The following DOK5 variants were observed in gnomAD, a reference collection of about 807,000 sequenced individuals.
DOK5 encodes the protein docking protein 5.
A neutral mutation model predicts 43.3 loss-of-function variants in DOK5; 27 were observed. That is an observed-to-expected ratio of 0.62 (90% CI 0.46 to 0.86). The LOEUF is 0.86. Ranked by LOEUF, DOK5 falls within the 40% of genes least tolerant of loss-of-function variation. DOK5 has a pLI of 0.00. For missense variants in DOK5, 373 were observed against 392.9 expected, an observed-to-expected ratio of 0.95 and a Z score of 0.43; for synonymous variants, 146 against 140.1, an observed-to-expected ratio of 1.04 and a Z score of -0.30.
rs1044839108 is a variant in DOK5 at position 54,612,824 on chromosome 20, C to T, written c.735+2301C>T. Among the ~76,000 whole-genome samples, 6 of 152,146 alleles carry T rather than the reference C, an allele frequency of 3.9e-5. No homozygotes were observed. The South Asian group carries it at 8.3e-4, about 21-fold the overall frequency. ...TCATACAGTGTTCAAGATCATGGCC[C>T]GTGAAGCCAGACTTAGTTCCAACAC... On this transcript the variant is annotated intron_variant, in intron 6 of 7. Coordinates refer to ENST00000262593, the MANE Select transcript of DOK5 (RefSeq NM_018431.5).
At chr20:54,530,050 T>A (rs1364234014) in intron 1 of DOK5, among the ~76,000 whole-genome samples, 1 of 152,198 alleles carries the variant, frequency 6.6e-6, no homozygotes, top group South Asian at 2.1e-4. Context: ...AGCCTAAAGG[T>A]TTTTTGTCAA....
intron 1 of DOK5, among the ~76,000 whole-genome samples, chr20:54,477,109 G>A (rs1040972295): frequency 1.3e-5 from 2 of 152,142 alleles, no homozygotes; most frequent in Non-Finnish European, 2.9e-5. Context: ...TATAATGTCA[G>A]TAATCGTGTG....
At chr20:54,507,401 AT>A (rs1345051588) in intron 1 of DOK5, among the ~76,000 whole-genome samples, 1 of 152,234 alleles carries the variant, frequency 6.6e-6, no homozygotes, top group African/African-American at 2.4e-5. Flanking sequence ...TTAATGCTAT[AT>A]TTTATTTAAT....
At chr20:54,565,099 C>G (rs976363021) in intron 2 of DOK5, among the ~76,000 whole-genome samples, 2 of 152,150 alleles carry the variant, frequency 1.3e-5, no homozygotes, top group Non-Finnish European at 2.9e-5. Flanking sequence ...AATCACATTT[C>G]TTTAGTACTG....
intron 6 of DOK5, among the ~76,000 whole-genome samples, chr20:54,636,641 T>A (rs1198495211): frequency 6.6e-6 from 1 of 152,168 alleles, no homozygotes; most frequent in Non-Finnish European, 1.5e-5. Flanking sequence ...CCTGCCAAAC[T>A]GTCTTTAAAA....
chr20:54,566,472 G>A (rs929601782), intron 2 of DOK5, among the ~76,000 whole-genome samples: 7 of 152,268 alleles, frequency 4.6e-5, no homozygotes, highest in African/African-American at 1.7e-4. Context: ...TATGGTAGTT[G>A]CACGTTTAGT....
At chr20:54,618,674 C>T (rs1986891116) in intron 6 of DOK5, among the ~76,000 whole-genome samples, 1 of 152,084 alleles carries the variant, frequency 6.6e-6, no homozygotes, top group African/African-American at 2.4e-5. Context: ...CCTTGATAAT[C>T]AGAGTACCTT....
At chr20:54,492,094 C>A (rs1041994900) in intron 1 of DOK5, among the ~76,000 whole-genome samples, 13 of 151,536 alleles carry the variant, frequency 8.6e-5, no homozygotes, top group South Asian at 2.1e-4. Flanking sequence ...TATATAAATT[C>A]TTTTAATTTA....
intron 1 of DOK5, among the ~76,000 whole-genome samples, chr20:54,512,872 G>T (rs1336991106): frequency 6.6e-6 from 1 of 152,164 alleles, no homozygotes; most frequent in African/African-American, 2.4e-5. Flanking sequence ...GCAAACATTT[G>T]TGGGGGCCTA....
intron 1 of DOK5, among the ~76,000 whole-genome samples, chr20:54,545,913 G>T (rs562734545): frequency 2.9e-4 from 44 of 152,302 alleles, no homozygotes; most frequent in African/African-American, 1.1e-3. Flanking sequence ...ACAGCATATG[G>T]CTACAACTAA....
intron 2 of DOK5, among the ~76,000 whole-genome samples, chr20:54,588,118 G>C (rs1985866369): frequency 6.6e-6 from 1 of 152,096 alleles, no homozygotes; most frequent in Admixed American, 6.6e-5. Context: ...GAGAAAGAAG[G>C]CTGTCCACAG....
At chr20:54,543,440 G>A (rs375413308) in intron 1 of DOK5, among the ~76,000 whole-genome samples, 4 of 152,032 alleles carry the variant, frequency 2.6e-5, no homozygotes, top group Admixed American at 2.0e-4. Context: ...TTACAGAGAA[G>A]TAGAATAGCT....
At chr20:54,512,926 C>G (rs1408451874) in intron 1 of DOK5, among the ~76,000 whole-genome samples, 1 of 152,170 alleles carries the variant, frequency 6.6e-6, no homozygotes, top group Non-Finnish European at 1.5e-5. Flanking sequence ...TTCCTCATAA[C>G]AAACTCATGA....
intron 4 of DOK5, 69 bp downstream of exon 4, chr20:54,588,875 C>T (rs1349316384): frequency 7.8e-6 from 12 of 1,533,296 alleles, no homozygotes; most frequent in Non-Finnish European, 1.1e-5. Context: ...AAACATAAGA[C>T]ATCTTCATTA....
At chr20:54,516,310 T>C (rs1353047905) in intron 1 of DOK5, among the ~76,000 whole-genome samples, 1 of 152,208 alleles carries the variant, frequency 6.6e-6, no homozygotes, top group Admixed American at 6.5e-5. Flanking sequence ...TTATTCAAAT[T>C]GGGGTTCTAA....
At chr20:54,550,496 G>A (rs1255492877) in intron 1 of DOK5, among the ~76,000 whole-genome samples, 1 of 152,162 alleles carries the variant, frequency 6.6e-6, no homozygotes, top group East Asian at 1.9e-4. Flanking sequence ...GATCCCTGAT[G>A]TTAACCTGTT....
intron 1 of DOK5, among the ~76,000 whole-genome samples, chr20:54,504,209 T>A (rs1982723062): frequency 6.6e-6 from 1 of 152,142 alleles, no homozygotes; most frequent in Non-Finnish European, 1.5e-5. Flanking sequence ...TCCCACATCC[T>A]ACAATAAGGC....
In DOK5 at chr20:54,591,635, G is replaced by A. The variant is rs775910201; in HGVS notation, c.429G>A (p.Leu143=). The part of the protein sequence containing the change: ...REQSERFNVY[L]MPSPNLDVHG... Reference sequence around the variant, plus strand: ...TCCCAGAGAGATTCAATGTGTATTTGATGCCATCTCCTAACTTAGATGTAC... The same window carrying A: ...TCCCAGAGAGATTCAATGTGTATTTAATGCCATCTCCTAACTTAGATGTAC... The change falls in exon 5 of 8, where the codon TTG becomes TTA. Residue 143 remains leucine, a synonymous_variant. Transcript: ENST00000262593. 8.2e-5 allele frequency: 132 copies of A among 1,610,294 alleles called. No individual in the cohort carries two copies. The highest frequency in any genetic ancestry group is 1.1e-4 in the Non-Finnish European group (128 of 1,178,560).
At chr20:54,528,521 A>G (rs2146703433) in intron 1 of DOK5, among the ~76,000 whole-genome samples, 1 of 152,086 alleles carries the variant, frequency 6.6e-6, no homozygotes, top group Middle Eastern at 3.4e-3. Flanking sequence ...GACCAGAAAA[A>G]GGAGGGATGG....
Sources: gnomAD v4.1 joint callset for allele counts (sites outside exome capture counted in the v4.1 genomes callset) on GRCh38, gnomAD v4.1.1 for gene constraint, MANE v1.5 for transcripts, NCBI Gene and HGNC (gene_info 2026-07-23, HGNC 2026-07-21) for gene names.